The following WWOX variants were observed in gnomAD, a reference collection of about 807,000 sequenced individuals.
The protein encoded by WWOX is WW domain containing oxidoreductase.
In WWOX, 69 loss-of-function variants were observed where a neutral mutation model predicts 46.2. The ratio of observed to expected loss-of-function variants is 1.49; its 90% CI spans 1.23 to 1.82. The LOEUF (loss-of-function observed/expected upper bound fraction) is 1.82. Among genes scored for constraint, WWOX ranks in the 40% most tolerant of loss-of-function variants. The pLI is 0.00. For missense variants in WWOX, 919 were observed against 542.6 expected, an observed-to-expected ratio of 1.69 and a Z score of -6.89; for synonymous variants, 359 against 202.6, an observed-to-expected ratio of 1.77 and a Z score of -6.56.
At chr16:78,802,355 A>G (rs959895940) in intron 8 of WWOX, among the ~76,000 whole-genome samples, 1 of 152,018 alleles carries the variant, frequency 6.6e-6, no homozygotes, top group Non-Finnish European at 1.5e-5. Context: ...AGAGAGAAAG[A>G]GGGTAGGTCT....
chr16:78,788,709 C>T (rs2050518746), intron 8 of WWOX, among the ~76,000 whole-genome samples: 1 of 152,168 alleles, frequency 6.6e-6, no homozygotes, highest in Admixed American at 6.5e-5. Flanking sequence ...TCATCTGCTC[C>T]AGCAAATTAA....
intron 8 of WWOX, among the ~76,000 whole-genome samples, chr16:78,723,213 A>G (rs1450197963): frequency 6.6e-6 from 1 of 152,168 alleles, no homozygotes; most frequent in Non-Finnish European, 1.5e-5. Flanking sequence ...GCTACAGAAT[A>G]CTTATTTTCT....
At chr16:78,529,762 C>T (rs12921327) in intron 8 of WWOX, among the ~76,000 whole-genome samples, 2 of 152,104 alleles carry the variant, frequency 1.3e-5, no homozygotes, top group Non-Finnish European at 2.9e-5. Flanking sequence ...CCACCATGCC[C>T]AGCCCTCAGA....
chr16:78,203,043 G>T (rs927676777), intron 5 of WWOX, among the ~76,000 whole-genome samples: 2 of 152,108 alleles, frequency 1.3e-5, no homozygotes, highest in African/African-American at 4.8e-5. Context: ...GGATTATAGT[G>T]GGAAAACAAA....
rs112712000 is a variant in WWOX, at chr16:78,367,486, T to A, written c.517-19374T>A. 2.6e-3 allele frequency among the ~76,000 whole-genome samples: 394 copies of A among 152,302 alleles called. 2 individuals carry two copies. The highest frequency in any genetic ancestry group is 9.3e-3 in the African/African-American group (385 of 41,546). ...TTTATGCACAGCCCAAGATAATTCTTTGTCCAGTGTCACCCAGGGAAGCCA... is the reference window on the plus strand; with the variant it reads ...TTTATGCACAGCCCAAGATAATTCTATGTCCAGTGTCACCCAGGGAAGCCA... On this transcript the variant is annotated intron_variant, in intron 5 of 8. Coordinates refer to ENST00000566780, the MANE Select transcript of WWOX (RefSeq NM_016373.4).
chr16:78,867,483 T>TG (rs1259074152), intron 8 of WWOX, among the ~76,000 whole-genome samples: 3 of 105,738 alleles, frequency 2.8e-5, no homozygotes, highest in Non-Finnish European at 4.0e-5. Context: ...GTTAAATGAT[T>TG]TTGTGTGTGT....
At chr16:78,919,699 GGA>G (rs2045333649) in intron 8 of WWOX, among the ~76,000 whole-genome samples, 1 of 151,776 alleles carries the variant, frequency 6.6e-6, no homozygotes, top group African/African-American at 2.4e-5. Flanking sequence ...TGTATTTTTA[GGA>G]GAGAGGGGTT....
intron 5 of WWOX, among the ~76,000 whole-genome samples, chr16:78,376,640 C>G (rs965415273): frequency 6.6e-6 from 1 of 152,180 alleles, no homozygotes; most frequent in Non-Finnish European, 1.5e-5. Context: ...GGGGGCTGTT[C>G]TGTTCGTTGT....
At chr16:78,707,513 C>A (rs1253335295) in intron 8 of WWOX, among the ~76,000 whole-genome samples, 1 of 152,176 alleles carries the variant, frequency 6.6e-6, no homozygotes, top group Non-Finnish European at 1.5e-5. Flanking sequence ...AAAGTCTGTG[C>A]ATCTGAGCTC....
intron 5 of WWOX, among the ~76,000 whole-genome samples, chr16:78,342,488 C>T (rs74704709): frequency 0.23 from 27,042 of 118,872 alleles, 8,648 homozygotes; most frequent in African/African-American, 0.38. Context: ...TTGTTGCTTC[C>T]ATCAACATTC....
At chr16:78,503,646 A>G (rs1054007322) in intron 8 of WWOX, 1 of 152,206 alleles carries the variant, frequency 6.6e-6, no homozygotes, top group Non-Finnish European at 1.5e-5. Flanking sequence ...AAATATTCAC[A>G]AGGTGCAAAC....
intron 5 of WWOX, among the ~76,000 whole-genome samples, chr16:78,174,998 G>GTAGTAA (rs1555548216): frequency 8.5e-5 from 12 of 140,880 alleles, no homozygotes; most frequent in East Asian, 4.1e-4. Flanking sequence ...AAAAATAATA[G>GTAGTAA]TAATAATAAT....
At chr16:78,973,263 C>T (rs958502806) in intron 8 of WWOX, among the ~76,000 whole-genome samples, 2 of 152,104 alleles carry the variant, frequency 1.3e-5, no homozygotes, top group Non-Finnish European at 2.9e-5. Context: ...AGTAATTAAG[C>T]CGCTTTGCAG....
intron 8 of WWOX, among the ~76,000 whole-genome samples, chr16:78,565,746 C>T (rs1177377167): frequency 6.6e-6 from 1 of 152,176 alleles, no homozygotes; most frequent in African/African-American, 2.4e-5. Flanking sequence ...ATCCATAGAG[C>T]AGGGATAACA....
chr16:78,409,036 G>C (rs1241431007), intron 6 of WWOX, among the ~76,000 whole-genome samples: 2 of 152,078 alleles, frequency 1.3e-5, no homozygotes, highest in African/African-American at 4.8e-5. Flanking sequence ...ACGTTATAAG[G>C]CTGCTGCTTA....
At chr16:79,057,981 A>G (rs2048293552) in intron 8 of WWOX, among the ~76,000 whole-genome samples, 1 of 152,150 alleles carries the variant, frequency 6.6e-6, no homozygotes, top group Admixed American at 6.6e-5. Flanking sequence ...TCGGGCTCTT[A>G]TTCAAGCTCA....
intron 8 of WWOX, among the ~76,000 whole-genome samples, chr16:78,728,071 T>TTTC (rs1373619183): frequency 7.0e-6 from 1 of 141,898 alleles, no homozygotes; most frequent in East Asian, 2.0e-4. Flanking sequence ...TTTTTTTTTT[T>TTTC]TTTTTTTTTT....
In WWOX at chr16:78,341,883, G is replaced by C. The variant is rs1242155861; in HGVS notation, c.517-44977G>C. On this transcript the variant is annotated intron_variant, in intron 5 of 8. Transcript: ENST00000566780. Reference sequence around the variant, plus strand: ...TAATTCTAGCACATTGGGAGGCTGAGGTGAGAGGATTGCTTGTCTTACAGG... The same window carrying C: ...TAATTCTAGCACATTGGGAGGCTGACGTGAGAGGATTGCTTGTCTTACAGG... 1.2e-4 allele frequency among the ~76,000 whole-genome samples: 15 copies of C among 120,436 alleles called. 4 individuals carry two copies. The highest frequency in any genetic ancestry group is 1.4e-4 in the Non-Finnish European group (7 of 50,450). The allele number at this position is 120,436 out of a possible 152,430, so 79.0% of individuals were successfully genotyped here.
intron 5 of WWOX, among the ~76,000 whole-genome samples, chr16:78,244,721 G>T (rs1397480340): frequency 6.6e-6 from 1 of 152,170 alleles, no homozygotes; most frequent in Admixed American, 6.5e-5. Context: ...AGCAACACTT[G>T]CACCTGCAGT....
Sources: allele counts gnomAD v4.1 joint callset (sites outside exome capture counted in the v4.1 genomes callset), GRCh38; gene constraint gnomAD v4.1.1; transcripts MANE v1.5; gene names NCBI Gene and HGNC (gene_info 2026-07-23, HGNC 2026-07-21).